Variants in RBFOX1 observed in about 807,000 individuals in gnomAD.
The protein encoded by RBFOX1 is RNA binding protein fox-1 homolog 1.
Under a neutral mutation model 57.7 loss-of-function variants are expected in RBFOX1, and 8 were observed. That is an observed-to-expected ratio of 0.14 (90% CI 0.08 to 0.25). The LOEUF (loss-of-function observed/expected upper bound fraction) is 0.25. Ranked by LOEUF, RBFOX1 falls within the 10% of genes least tolerant of loss-of-function variation. RBFOX1 has a pLI of 1.00. For synonymous variants in RBFOX1, 326 were observed against 222.4 expected (o/e 1.47, Z -4.15); for missense variants, 611 against 548.5 (o/e 1.11, Z -1.14).
chr16:6,796,372 A>G (rs939847332), intron 3 of RBFOX1, among the ~76,000 whole-genome samples: 5 of 152,284 alleles, frequency 3.3e-5, no homozygotes, highest in Middle Eastern at 3.4e-3. Context: ...CAGTTACTAT[A>G]GTCATTTTTT....
intron 1 of RBFOX1, among the ~76,000 whole-genome samples, chr16:5,359,465 G>C (rs1567384214): frequency 6.6e-6 from 1 of 152,086 alleles, no homozygotes; most frequent in Non-Finnish European, 1.5e-5. Context: ...CCACATTTTT[G>C]CCAGCATTTG....
rs572295952 is a variant in RBFOX1 at position 6,979,958 on chromosome 16, C to G, written c.-15-72099C>G. Among the ~76,000 whole-genome samples the G allele has an allele frequency of 3.9e-5, 6 of 152,258 alleles. No individual in the cohort carries two copies. The South Asian group carries it at 1.2e-3, about 32-fold the overall frequency. On this transcript the variant is annotated intron_variant, in intron 3 of 15. Transcript: ENST00000550418. ...TCTGAGAGGTCTCTGGGGAAGCTTT[C>G]ATTTTCCTGTTGGAGTGGGTACCTT...
chr16:5,797,146 A>G lies in RBFOX1; in HGVS notation c.319-70157A>G, dbSNP rs561340655. Among the ~76,000 whole-genome samples the G allele has an allele frequency of 8.5e-5, 13 of 152,328 alleles. No individual in the cohort carries two copies. In the South Asian group the frequency reaches 2.7e-3, roughly 32 times the overall value. On this transcript the variant is annotated intron_variant, in intron 3 of 19. Transcript: ENST00000641259. Reference sequence around the variant, plus strand: ...GAGGGACTCTACAGTGGTGACATTGACACTGAGACCTGAAGGATAAAAGGA... The same window carrying G: ...GAGGGACTCTACAGTGGTGACATTGGCACTGAGACCTGAAGGATAAAAGGA...
intron 11 of RBFOX1, among the ~76,000 whole-genome samples, chr16:7,631,795 C>T (rs1596919497): frequency 6.6e-6 from 1 of 152,192 alleles, no homozygotes; most frequent in Admixed American, 6.5e-5. Flanking sequence ...GGAAAACCAA[C>T]CTCCTCACTG....
chr16:7,626,231 C>G (rs563039427), intron 10 of RBFOX1, among the ~76,000 whole-genome samples: 3 of 152,220 alleles, frequency 2.0e-5, no homozygotes, highest in African/African-American at 4.8e-5. Context: ...CAGTTTTCGA[C>G]ACTTCCTCCT....
At chr16:6,637,620 G>C (rs555261286) in intron 2 of RBFOX1, among the ~76,000 whole-genome samples, 84 of 76,684 alleles carry the variant, frequency 1.1e-3, no homozygotes, top group Non-Finnish European at 2.4e-3. Flanking sequence ...CATTTAACTT[G>C]AAAAGGTTGA....
chr16:5,296,582 A>G (rs1313151932), intron 1 of RBFOX1, among the ~76,000 whole-genome samples: 1 of 151,230 alleles, frequency 6.6e-6, no homozygotes, highest in Non-Finnish European at 1.5e-5. Flanking sequence ...ATTTTTTTTT[A>G]ACAATAGAGC....
chr16:7,481,801 C>G (rs998289971), intron 4 of RBFOX1, among the ~76,000 whole-genome samples: 2 of 152,156 alleles, frequency 1.3e-5, no homozygotes, highest in African/African-American at 4.8e-5. Flanking sequence ...TACTCAACAT[C>G]ACAGCTTAGC....
intron 2 of RBFOX1, among the ~76,000 whole-genome samples, chr16:6,594,753 C>G (rs2097760264): frequency 6.6e-6 from 1 of 151,962 alleles, no homozygotes; most frequent in Admixed American, 6.6e-5. Context: ...GCGTATGCCA[C>G]AAAATTCACC....
intron 3 of RBFOX1, among the ~76,000 whole-genome samples, chr16:6,837,375 C>T (rs755282435): frequency 1.3e-5 from 2 of 152,166 alleles, no homozygotes; most frequent in African/African-American, 2.4e-5. Context: ...CTTGGGTTCT[C>T]CGCAATGGTA....
At chr16:6,179,298 G>C (rs1310053456) in intron 1 of RBFOX1, among the ~76,000 whole-genome samples, 1 of 152,140 alleles carries the variant, frequency 6.6e-6, no homozygotes, top group Non-Finnish European at 1.5e-5. Flanking sequence ...ATTGTTTTTG[G>C]TAGCTTTACT....
intron 3 of RBFOX1, among the ~76,000 whole-genome samples, chr16:6,709,248 C>T (rs770617218): frequency 7.2e-5 from 11 of 152,210 alleles, no homozygotes; most frequent in South Asian, 2.1e-4. Flanking sequence ...CAGTTTCACA[C>T]GAGCGGATGC....
chr16:5,582,903 G>T (rs902126824), intron 2 of RBFOX1, among the ~76,000 whole-genome samples: 1 of 152,138 alleles, frequency 6.6e-6, no homozygotes, highest in Non-Finnish European at 1.5e-5. Flanking sequence ...CTGTGGGCCT[G>T]GTTTGTGAGA....
At chr16:6,939,142 C>G (rs139964900) in intron 3 of RBFOX1, among the ~76,000 whole-genome samples, 1 of 151,978 alleles carries the variant, frequency 6.6e-6, no homozygotes, top group Non-Finnish European at 1.5e-5. Context: ...AAGGTCACAC[C>G]ACTAACTAAT....
At chr16:6,384,834 G>C (rs905665152) in intron 2 of RBFOX1, among the ~76,000 whole-genome samples, 3 of 152,166 alleles carry the variant, frequency 2.0e-5, no homozygotes, top group African/African-American at 7.2e-5. Flanking sequence ...CTCTTGGTCA[G>C]CCTGTGATCT....
At chr16:6,065,626 GA>G (rs1172082568) in intron 1 of RBFOX1, among the ~76,000 whole-genome samples, 1 of 152,104 alleles carries the variant, frequency 6.6e-6, no homozygotes, top group Non-Finnish European at 1.5e-5. Context: ...TGGATTTCAC[GA>G]ACCTCCAAAG....
chr16:5,713,560 T>C lies in RBFOX1; in HGVS notation c.318+114599T>C, dbSNP rs2051573575. On this transcript the variant is annotated intron_variant, in intron 3 of 19. Coordinates refer to the RBFOX1 transcript ENST00000641259. The stretch of plus-strand genomic sequence containing the variant: ...TCTCCAAAGGATGCCTCTTTTAAGG[T>C]TCTAAAAGCCCAAACTAGTTGATCT... Among the ~76,000 whole-genome samples the C allele has an allele frequency of 2.6e-5, 4 of 152,308 alleles. No individual in the cohort carries two copies. The South Asian group carries it at 8.3e-4, about 32-fold the overall frequency.
intron 4 of RBFOX1, among the ~76,000 whole-genome samples, chr16:7,457,675 C>G (rs2159535): frequency 0.39 from 59,440 of 151,828 alleles, 12,010 homozygotes; most frequent in Non-Finnish European, 0.45. Context: ...GAGGGATTTG[C>G]CTCTGTTGCC....
At position 6,759,503 on chromosome 16, in the gene RBFOX1, G is replaced by C. The variant is rs550986879; in HGVS notation, c.-16+104853G>C. Among the ~76,000 whole-genome samples the C allele has an allele frequency of 4.0e-3, 605 of 151,280 alleles. 6 individuals are homozygous for C. Among genetic ancestry groups the C allele is most frequent in the African/African-American group, 0.014 (589 of 41,294 alleles). ...TGTGTGTGTGTGTGTGTGTGTGTGT[G>C]TGTGTGTGTGTGTGTGTGTATTTTC... On this transcript the variant is annotated intron_variant, in intron 3 of 15. Coordinates refer to ENST00000550418, the MANE Select transcript of RBFOX1 (RefSeq NM_018723.4).
Sources: allele counts gnomAD v4.1 joint callset (sites outside exome capture counted in the v4.1 genomes callset), GRCh38; gene constraint gnomAD v4.1.1; transcripts MANE v1.5; gene names NCBI Gene and HGNC (gene_info 2026-07-23, HGNC 2026-07-21).